The following KDM6A variants were observed in gnomAD, a reference collection of about 807,000 sequenced individuals.
KDM6A encodes lysine-specific demethylase 6A.
In KDM6A, 11 loss-of-function variants were observed where a neutral mutation model predicts 117.6. The ratio of observed to expected loss-of-function variants is 0.09; its 90% CI spans 0.06 to 0.15. The LOEUF is 0.15. Ranked by LOEUF, KDM6A falls within the 10% of genes least tolerant of loss-of-function variation. The probability of loss-of-function intolerance (pLI) is 1.00; values close to 1 mark genes in which losing one functional copy is unlikely to be tolerated. For synonymous variants in KDM6A, 384 were observed against 396.1 expected, an observed-to-expected ratio of 0.97 and a Z score of 0.36; for missense variants, 799 against 1,077.3, an observed-to-expected ratio of 0.74 and a Z score of 3.62.
In KDM6A at chrX:45,062,749, G is replaced by A. The variant is rs1569533871; in HGVS notation, c.1683+1G>A. 1.8e-6 allele frequency: 2 copies of A among 1,122,905 alleles called. No individual in the cohort carries two copies. Among genetic ancestry groups the A allele is most frequent in the Non-Finnish European group, 2.5e-6 (2 of 814,759 alleles). 92.5% of individuals were successfully genotyped at this position (1,122,905 alleles called of 1,213,427 possible). A position where few individuals can be genotyped will look rare whatever the true frequency, so the allele number is the denominator to read the frequency against. On this transcript the variant is annotated splice_donor_variant, in intron 16 of 29. Transcript: ENST00000611820. LOFTEE classifies it high-confidence loss of function. ...GTTTGTCTTAATGCAACAACACCAA[G>A]TGTGTATAGCATATTTTTCCCTGAA...
At chrX:45,058,911 T>C in intron 10 of KDM6A, 95 bp from the exon 11 acceptor site, 1 of 713,153 alleles carries the variant, frequency 1.4e-6, no homozygotes, top group Non-Finnish European at 2.2e-6. Context: ...TAAAAAAATT[T>C]GCTGTGATAT....
rs752745877 is a variant in KDM6A at position 44,958,375 on chromosome X, A to T, written c.226-2909A>T. ...TTTTTTGTGTTTTTAGTAGAGACAC[A>T]GTTTCACTGTGATAGCCAGGATGGT... On this transcript the variant is annotated intron_variant, in intron 2 of 29. Coordinates refer to ENST00000611820, the MANE Select transcript of KDM6A (RefSeq NM_001291415.2). Among the ~76,000 whole-genome samples the T allele has an allele frequency of 3.7e-5, 4 of 108,939 alleles. No individual in the cohort carries two copies. In the East Asian group the frequency reaches 1.1e-3, roughly 31 times the overall value. The allele number at this position is 108,939 out of a possible 115,157, so 94.6% of individuals were successfully genotyped here. A position where few individuals can be genotyped will look rare whatever the true frequency, so the allele number is the denominator to read the frequency against.
chrX:44,917,053 G>A (rs2035608347), intron 2 of KDM6A, among the ~76,000 whole-genome samples: 1 of 102,747 alleles, frequency 9.7e-6, no homozygotes, highest in South Asian at 4.6e-4. Flanking sequence ...TTTAAGTAGA[G>A]TTGCGCTCTG....
intron 4 of KDM6A, among the ~76,000 whole-genome samples, chrX:45,002,271 G>GT (rs2041178962): frequency 9.1e-6 from 1 of 109,902 alleles, no homozygotes; most frequent in African/African-American, 3.3e-5. Flanking sequence ...ATAAAACCTT[G>GT]TAGACATATT....
chrX:44,903,473 G>A (rs1218671333), intron 2 of KDM6A, among the ~76,000 whole-genome samples: 1 of 111,683 alleles, frequency 9.0e-6, no homozygotes. Flanking sequence ...TTGGACGTGA[G>A]ATTAATTTTT....
chrX:45,000,095 C>T (rs1158449617), intron 4 of KDM6A, among the ~76,000 whole-genome samples: 1 of 111,628 alleles, frequency 9.0e-6, no homozygotes, highest in East Asian at 2.8e-4. Context: ...GCAAACTCCT[C>T]CTCTTTCTGC....
chrX:44,972,423 G>A (rs2039398593), intron 3 of KDM6A, among the ~76,000 whole-genome samples: 1 of 110,171 alleles, frequency 9.1e-6, no homozygotes, highest in Admixed American at 9.7e-5. Context: ...ACTGATAAAA[G>A]TATCCCTGAA....
At position 45,078,407 on chromosome X, in the gene KDM6A, A is replaced by G. The variant is rs770958830; in HGVS notation, c.2996A>G (p.Asn999Ser). Residue 999 changes from asparagine to serine, a missense_variant, in exon 20 of 30, where the codon AAT becomes AGT. By Grantham distance (46) the Asn-to-Ser change is conservative. Around this residue, in one of 8 missense-constraint regions of KDM6A, gnomAD observed 291 missense variants for 437.9 expected, o/e 0.66. Transcript: ENST00000611820. ...NPPTPSIYLENKRDAFFPPLH... is the reference protein window; with the variant it reads ...NPPTPSIYLESKRDAFFPPLH... ...CATATTTTAATTTTACAGTTGGAAAATAAACGTGATGCTTTCTTTCCTCCA... is the reference window on the plus strand; with the variant it reads ...CATATTTTAATTTTACAGTTGGAAAGTAAACGTGATGCTTTCTTTCCTCCA... 1 of 1,208,290 alleles carries G rather than the reference A, an allele frequency of 8.3e-7. No homozygotes were observed. Among genetic ancestry groups the G allele is most frequent in the South Asian group, 1.8e-5 (1 of 56,726 alleles).
At chrX:45,103,686 C>T in intron 27 of KDM6A, among the ~76,000 whole-genome samples, 1 of 112,177 alleles carries the variant, frequency 8.9e-6, no homozygotes, top group East Asian at 2.8e-4. Context: ...TAAGCTTCAT[C>T]TTTGCAGATC....
In KDM6A at chrX:44,892,565, G is replaced by A. The variant is rs780591815; in HGVS notation, c.225+18578G>A. Among the ~76,000 whole-genome samples, 8 of 111,234 alleles carry A rather than the reference G, an allele frequency of 7.2e-5. No individual in the cohort carries two copies. The South Asian group carries it at 1.1e-3, about 16-fold the overall frequency. ...AAATTAGCTGGGCTTGGTTGCCGGCGCTTGTAGTCCCAGCTACTCAGGAGG... is the reference window on the plus strand; with the variant it reads ...AAATTAGCTGGGCTTGGTTGCCGGCACTTGTAGTCCCAGCTACTCAGGAGG... On this transcript the variant is annotated intron_variant, in intron 2 of 29. Transcript: ENST00000611820.
chrX:44,897,269 GT>G (rs1207197202), intron 2 of KDM6A, among the ~76,000 whole-genome samples: 1,212 of 68,687 alleles, frequency 0.018, 13 homozygotes, highest in South Asian at 0.061. Flanking sequence ...TTTATTTTAG[GT>G]TTTTTTTTTT....
intron 27 of KDM6A, among the ~76,000 whole-genome samples, chrX:45,091,315 T>TA (rs1314107234): frequency 8.9e-6 from 1 of 111,958 alleles, no homozygotes; most frequent in African/African-American, 3.2e-5. Context: ...CTGAGCTACT[T>TA]AAAAAAATTT....
intron 21 of KDM6A, among the ~76,000 whole-genome samples, chrX:45,081,803 G>A (rs530958739): frequency 1.8e-5 from 2 of 108,970 alleles, no homozygotes; most frequent in East Asian, 2.9e-4. Flanking sequence ...TTTTTTAGAC[G>A]AGTCTCACTC....
chrX:45,001,844 C>A (rs1047684275), intron 4 of KDM6A, among the ~76,000 whole-genome samples: 4 of 110,909 alleles, frequency 3.6e-5, no homozygotes, highest in African/African-American at 1.3e-4. Flanking sequence ...CAGCAGTCTC[C>A]GTAGTTAGCA....
At chrX:45,030,107 G>A (rs2042542958) in intron 6 of KDM6A, among the ~76,000 whole-genome samples, 1 of 110,754 alleles carries the variant, frequency 9.0e-6, no homozygotes. Context: ...AAAGAAAGTA[G>A]CAGCCGGTTT....
At chrX:44,903,192 G>C (rs1028934686) in intron 2 of KDM6A, among the ~76,000 whole-genome samples, 1 of 111,858 alleles carries the variant, frequency 8.9e-6, no homozygotes. Context: ...TTCAGTTTTT[G>C]TTTATATAGT....
chrX:45,087,560 A>G (rs2045698901), intron 25 of KDM6A, among the ~76,000 whole-genome samples: 1 of 112,220 alleles, frequency 8.9e-6, no homozygotes, highest in Non-Finnish European at 1.9e-5. Context: ...TTTATGGACC[A>G]GTAGCAGCAG....
rs1019419892 is a variant in KDM6A at position 45,111,990 on chromosome X, T to C, written c.*579T>C. On this transcript the variant is annotated 3_prime_UTR_variant, in exon 30 of 30. Transcript: ENST00000611820. ...ACAGCCAAGTCACAAAGGTAATGGA[T>C]TGCACATAGACTAAGGAATAAACTT... is the stretch of plus-strand genomic sequence containing the variant. 1 of 168,611 alleles carries C rather than the reference T, an allele frequency of 5.9e-6. No individual in the cohort carries two copies. Among genetic ancestry groups the C allele is most frequent in the Non-Finnish European group, 1.1e-5 (1 of 88,080 alleles). 13.9% of individuals were successfully genotyped at this position (168,611 alleles called of 1,213,427 possible).
At chrX:45,108,844 T>A (rs1238045670) in intron 28 of KDM6A, among the ~76,000 whole-genome samples, 1 of 100,395 alleles carries the variant, frequency 1.0e-5, no homozygotes, top group East Asian at 3.1e-4. Context: ...TTGGAAACCA[T>A]CATTCTCAGT....
Sources: allele counts gnomAD v4.1 joint callset (sites outside exome capture counted in the v4.1 genomes callset), GRCh38; gene constraint gnomAD v4.1.1; regional missense constraint gnomAD v4.1.1; transcripts MANE v1.5; gene names NCBI Gene and HGNC (gene_info 2026-07-23, HGNC 2026-07-21).